The following PCDH15 variants were observed in gnomAD, a reference collection of about 807,000 sequenced individuals.
The protein encoded by PCDH15 is protocadherin-15.
PCDH15 carries 129 observed loss-of-function variants against 178.5 expected under a neutral mutation model. The ratio of observed to expected loss-of-function variants is 0.72; its 90% CI spans 0.63 to 0.84. PCDH15 has a LOEUF of 0.84. Among genes scored for constraint, PCDH15 ranks in the 40% least tolerant of loss-of-function variants. PCDH15 has a pLI of 0.00. For missense variants in PCDH15, 2,230 were observed against 2,099.9 expected (o/e 1.06, Z -1.21); for synonymous variants, 800 against 732.0 (o/e 1.09, Z -1.50).
chr10:53,809,350 C>T, intron 37 of PCDH15: 1 of 1,613,208 alleles, frequency 6.2e-7, no homozygotes, highest in Non-Finnish European at 8.5e-7. Flanking sequence ...CCACTCTTCA[C>T]CCTCAAGGTC....
At chr10:55,353,684 C>G (rs1349025439) in intron 2 of PCDH15, among the ~76,000 whole-genome samples, 4 of 151,992 alleles carry the variant, frequency 2.6e-5, no homozygotes, top group African/African-American at 9.7e-5. Flanking sequence ...TGCAACCTGA[C>G]TGAGTCTTGT....
intron 3 of PCDH15, among the ~76,000 whole-genome samples, chr10:54,486,624 C>G (rs2079122749): frequency 1.3e-5 from 2 of 151,686 alleles, no homozygotes; most frequent in Non-Finnish European, 2.9e-5. Flanking sequence ...ACTGCTCCTT[C>G]CTGTACACTG....
chr10:54,110,842 A>T (rs780888762), intron 15 of PCDH15, among the ~76,000 whole-genome samples: 8 of 152,316 alleles, frequency 5.3e-5, no homozygotes, highest in Middle Eastern at 3.4e-3. Flanking sequence ...TATGGTTTTT[A>T]AAAAAGTATT....
At chr10:55,014,858 T>G (rs544788280) in intron 2 of PCDH15, among the ~76,000 whole-genome samples, 1 of 152,292 alleles carries the variant, frequency 6.6e-6, no homozygotes, top group African/African-American at 2.4e-5. Flanking sequence ...TTATGAGAAA[T>G]ACTTAAAACT....
chr10:54,756,649 A>T (rs1340190650), intron 1 of PCDH15, among the ~76,000 whole-genome samples: 1 of 152,176 alleles, frequency 6.6e-6, no homozygotes, highest in African/African-American at 2.4e-5. Flanking sequence ...GATATGCTAA[A>T]CAAACCAGTC....
chr10:54,091,391 C>T (rs16937899), intron 15 of PCDH15, among the ~76,000 whole-genome samples: 1 of 151,946 alleles, frequency 6.6e-6, no homozygotes, highest in Non-Finnish European at 1.5e-5. Flanking sequence ...TCAGTGACTA[C>T]ATAATAACTG....
chr10:55,305,883 G>A (rs752888026), intron 1 of PCDH15, among the ~76,000 whole-genome samples: 1 of 152,108 alleles, frequency 6.6e-6, no homozygotes, highest in Non-Finnish European at 1.5e-5. Context: ...CCTCCTTGTA[G>A]ACATGAACAT....
At chr10:55,068,582 T>A (rs1841627810) in intron 2 of PCDH15, among the ~76,000 whole-genome samples, 1 of 152,136 alleles carries the variant, frequency 6.6e-6, no homozygotes, top group African/African-American at 2.4e-5. Flanking sequence ...TTCTGGATAT[T>A]TTTTTGTTTC....
At chr10:54,185,427 G>A (rs2048401093) in intron 11 of PCDH15, among the ~76,000 whole-genome samples, 159 bp from the exon 12 acceptor site, 1 of 152,000 alleles carries the variant, frequency 6.6e-6, no homozygotes, top group Non-Finnish European at 1.5e-5. Flanking sequence ...TTACTCAAAT[G>A]ATCTAAACTA....
chr10:55,395,898 G>A (rs1158578750), intron 2 of PCDH15, among the ~76,000 whole-genome samples: 1 of 151,528 alleles, frequency 6.6e-6, no homozygotes, highest in Non-Finnish European at 1.5e-5. Context: ...ATGCATCCCA[G>A]CATATAAAAG....
chr10:54,226,989 G>C (rs1025649498), intron 9 of PCDH15, among the ~76,000 whole-genome samples: 1 of 152,210 alleles, frequency 6.6e-6, no homozygotes, highest in Non-Finnish European at 1.5e-5. Context: ...GCTTTGCAGA[G>C]TGTAGCCCCC....
intron 10 of PCDH15, among the ~76,000 whole-genome samples, chr10:54,196,964 A>T (rs1031958925): frequency 4.6e-5 from 7 of 152,184 alleles, no homozygotes; most frequent in Non-Finnish European, 1.0e-4. Flanking sequence ...CATCCAGTTT[A>T]TGGTGTTTTG....
At chr10:53,876,624 C>CA (rs11342870) in intron 26 of PCDH15, among the ~76,000 whole-genome samples, 1,677 of 143,094 alleles carry the variant, frequency 0.012, 29 homozygotes, top group African/African-American at 0.037. Flanking sequence ...AAAACTTTTG[C>CA]AAAAAAAAAA....
chr10:54,761,681 T>C (rs1160859325), intron 1 of PCDH15, among the ~76,000 whole-genome samples: 4 of 138,184 alleles, frequency 2.9e-5, no homozygotes, highest in Non-Finnish European at 4.7e-5. Flanking sequence ...AGACTCTGTC[T>C]CAAAAACAAA....
chr10:55,127,926 A>G (rs778797083), intron 2 of PCDH15, among the ~76,000 whole-genome samples: 3 of 152,070 alleles, frequency 2.0e-5, no homozygotes, highest in Non-Finnish European at 4.4e-5. Flanking sequence ...ATCTTTAAAG[A>G]TAAACTTCAC....
chr10:53,976,901 A>T (rs1395363602), intron 21 of PCDH15, among the ~76,000 whole-genome samples: 1 of 151,562 alleles, frequency 6.6e-6, no homozygotes, highest in East Asian at 1.9e-4. Flanking sequence ...CGGGCCTCCC[A>T]GAGAGTATCA....
intron 8 of PCDH15, among the ~76,000 whole-genome samples, chr10:54,307,130 ATAT>A (rs2060602483): frequency 1.3e-5 from 1 of 75,786 alleles, no homozygotes; most frequent in East Asian, 4.4e-4. Flanking sequence ...ATATATATAT[ATAT>A]ATATATATAT....
chr10:55,482,288 C>T (rs1275130342), intron 2 of PCDH15, among the ~76,000 whole-genome samples: 1 of 151,758 alleles, frequency 6.6e-6, no homozygotes, highest in Non-Finnish European at 1.5e-5. Context: ...CAGATTGCCA[C>T]TCTGTGTCTT....
At chr10:54,779,537 T>TATGTGTGTATATATATATACACAC (rs1950164760) in intron 1 of PCDH15, among the ~76,000 whole-genome samples, 1 of 145,618 alleles carries the variant, frequency 6.9e-6, no homozygotes, top group Non-Finnish European at 1.5e-5. Flanking sequence ...CACACACATA[T>TATGTGTGTATATATATATACACAC]ATATAGCATT....
Sources: gnomAD v4.1 joint callset for allele counts (sites outside exome capture counted in the v4.1 genomes callset) on GRCh38, gnomAD v4.1.1 for gene constraint, MANE v1.5 for transcripts, NCBI Gene and HGNC (gene_info 2026-07-23, HGNC 2026-07-21) for gene names.